Variants in CYSLTR1 observed in about 807,000 individuals in gnomAD.
CYSLTR1 encodes the protein cysteinyl leukotriene receptor 1, also known as G-protein coupled receptor HG55.
In CYSLTR1, 1 loss-of-function variant was observed where a neutral mutation model predicts 2.1. The observed-to-expected ratio is 0.48, with a 90% confidence interval of 0.17 to 2.28. The LOEUF is 2.28. Among genes scored for constraint, CYSLTR1 ranks in the 30% most tolerant of loss-of-function variants. CYSLTR1 has a pLI of 0.26. For missense variants in CYSLTR1, 299 were observed against 250.1 expected (o/e 1.20, Z -1.32); for synonymous variants, 110 against 89.6 (o/e 1.23, Z -1.28).
chrX:78,295,961 AT>A (rs770097183), intron 1 of CYSLTR1, among the ~76,000 whole-genome samples: 20 of 110,116 alleles, frequency 1.8e-4, no homozygotes, highest in African/African-American at 5.9e-4. Flanking sequence ...ATTACTCAAT[AT>A]TTTTTTTGCC....
intron 1 of CYSLTR1, among the ~76,000 whole-genome samples, chrX:78,310,641 GT>G (rs1923183585): frequency 8.9e-6 from 1 of 111,963 alleles, no homozygotes; most frequent in Non-Finnish European, 1.9e-5. Context: ...TGTGATAGAA[GT>G]TGATAAAGGA....
chrX:78,321,147 G>GTA (rs1402219085), intron 1 of CYSLTR1: 1 of 108,068 alleles, frequency 9.3e-6, no homozygotes, highest in Non-Finnish European at 1.9e-5. Context: ...GTGTGTGTGT[G>GTA]TGTGTGTGTG....
At chrX:78,313,296 C>T (rs924397797) in intron 1 of CYSLTR1, among the ~76,000 whole-genome samples, 2 of 111,098 alleles carry the variant, frequency 1.8e-5, no homozygotes, top group Admixed American at 9.6e-5. Flanking sequence ...GAACAATGGA[C>T]ACTGGAGACT....
rs1041596738 is a variant in CYSLTR1 at position 78,271,632 on chromosome X, A to T, written c.*1101T>A. 1 of 112,065 alleles carries T rather than the reference A, an allele frequency of 8.9e-6. No homozygotes were observed. The highest frequency in any genetic ancestry group is 3.7e-4 in the South Asian group (1 of 2,733). The allele number at this position is 112,065 out of a possible 1,213,427, so 9.2% of individuals were successfully genotyped here. ...AGATCAAAGCGTCCACTGTAATATA[A>T]AAGTCACTGTAAACATATCCATGAT... is the stretch of plus-strand genomic sequence containing the variant. On this transcript the variant is annotated 3_prime_UTR_variant, in exon 3 of 3. Transcript: ENST00000373304.
chrX:78,296,018 T>C (rs1209485847), intron 1 of CYSLTR1, among the ~76,000 whole-genome samples: 1 of 111,686 alleles, frequency 9.0e-6, no homozygotes, highest in Non-Finnish European at 1.9e-5. Context: ...CTTGTAGTAG[T>C]TTCAAGCTTG....
chrX:78,293,628 A>G (rs1384014575), intron 1 of CYSLTR1, among the ~76,000 whole-genome samples: 1 of 111,866 alleles, frequency 8.9e-6, no homozygotes, highest in Non-Finnish European at 1.9e-5. Context: ...TCAGACGTAG[A>G]TTTGGCCTTT....
chrX:78,297,992 T>A (rs1007286701), intron 1 of CYSLTR1, among the ~76,000 whole-genome samples: 1 of 111,616 alleles, frequency 9.0e-6, no homozygotes, highest in African/African-American at 3.2e-5. Context: ...TTTCTGTTTT[T>A]TATAATGTAG....
At chrX:78,324,227 A>G (rs1923776030) in intron 1 of CYSLTR1, among the ~76,000 whole-genome samples, 1 of 112,354 alleles carries the variant, frequency 8.9e-6, no homozygotes, top group East Asian at 2.8e-4. Context: ...TGATTGTAAC[A>G]TGAATTAATG....
intron 2 of CYSLTR1, 39 bp from the exon 3 acceptor site, chrX:78,273,812 C>A (rs762940594): frequency 1.9e-6 from 2 of 1,043,842 alleles, no homozygotes; most frequent in African/African-American, 3.8e-5. Context: ...TTAACTAGAC[C>A]ATAAATTACA....
intron 2 of CYSLTR1, among the ~76,000 whole-genome samples, chrX:78,274,460 C>G (rs1921477359): frequency 9.0e-6 from 1 of 111,431 alleles, no homozygotes; most frequent in Admixed American, 9.6e-5. Flanking sequence ...ACAAACCTGA[C>G]AAAAGCAAGA....
rs777053108 is a variant in CYSLTR1, at chrX:78,273,532, C to T, written c.215G>A (p.Cys72Tyr). 8.3e-7 allele frequency: 1 copy of T among 1,209,861 alleles called. No individual in the cohort carries two copies. The highest frequency in any genetic ancestry group is 1.7e-5 in the African/African-American group (1 of 57,174). Residue 72 changes from cysteine (C) to tyrosine (Y), a missense_variant, in exon 3 of 3, where the codon TGT becomes TAT. Coordinates refer to ENST00000373304, the MANE Select transcript of CYSLTR1 (RefSeq NM_006639.4). ...MINLAVADLL[C>Y]VCTLPLRVVY... is the part of the protein sequence containing the mutation. Reference sequence around the variant, plus strand: ...CACACGGAGAGGCAGTGTGCACACACAAAGTAGATCTGCTACTGCTAAATT... The same window carrying T: ...CACACGGAGAGGCAGTGTGCACACATAAAGTAGATCTGCTACTGCTAAATT...
Position 78,295,518 on chromosome X carries a change from T to A in CYSLTR1, c.-114-11978A>T, listed in dbSNP as rs182547727. Among the ~76,000 whole-genome samples, 21 of 111,011 alleles carry A rather than the reference T, an allele frequency of 1.9e-4. 1 individual carries two copies. The East Asian group carries it at 5.4e-3, about 28-fold the overall frequency. ...AATTTACATTCTTATCAACAGTATA[T>A]AAGACATTCCTTTTCTTCACATTCT... On this transcript the variant is annotated intron_variant, in intron 1 of 2. Transcript: ENST00000373304.
chrX:78,295,485 G>A (rs1009014335), intron 1 of CYSLTR1, among the ~76,000 whole-genome samples: 1 of 109,245 alleles, frequency 9.2e-6, no homozygotes, highest in African/African-American at 3.3e-5. Context: ...CTCCATAGTG[G>A]TTGTACTAAT....
chrX:78,277,301 C>T (rs1275210156), intron 2 of CYSLTR1, among the ~76,000 whole-genome samples: 5 of 111,445 alleles, frequency 4.5e-5, no homozygotes. Context: ...CACCTGCTTG[C>T]AGCACAGCCT....
At chrX:78,289,715 G>A (rs1282069657) in intron 1 of CYSLTR1, among the ~76,000 whole-genome samples, 1 of 112,435 alleles carries the variant, frequency 8.9e-6, no homozygotes, top group African/African-American at 3.2e-5. Context: ...GATGGCCAGT[G>A]ATGATGAGCA....
rs191046685 is a variant in CYSLTR1, at chrX:78,322,406, T to A, written c.-115+4899A>T. Among the ~76,000 whole-genome samples the A allele has an allele frequency of 2.5e-3, 285 of 112,465 alleles. 1 individual carries two copies. Among genetic ancestry groups the A allele is most frequent in the African/African-American group, 8.8e-3 (273 of 31,019 alleles). On this transcript the variant is annotated intron_variant, in intron 1 of 2. Transcript: ENST00000373304. ...TTTTTATTATTCTCTTTCTTATTCA[T>A]ATAAGGCTCACCTACTTTGACCACA...
At chrX:78,295,449 G>T (rs889209037) in intron 1 of CYSLTR1, among the ~76,000 whole-genome samples, 46 of 106,912 alleles carry the variant, frequency 4.3e-4, no homozygotes, top group Non-Finnish European at 6.7e-4. Flanking sequence ...TCTATTTTTG[G>T]TTTTTTGAGG....
intron 2 of CYSLTR1, among the ~76,000 whole-genome samples, chrX:78,275,079 A>G (rs1921519450): frequency 9.0e-6 from 1 of 111,574 alleles, no homozygotes; most frequent in Non-Finnish European, 1.9e-5. Flanking sequence ...TCAGGAAACA[A>G]CAGGTGCTGG....
chrX:78,274,481 G>T (rs968314345), intron 2 of CYSLTR1, among the ~76,000 whole-genome samples: 1 of 111,705 alleles, frequency 9.0e-6, no homozygotes, highest in Non-Finnish European at 1.9e-5. Flanking sequence ...AATGGGGAAA[G>T]GATTCCCTAT....
Sources: allele counts gnomAD v4.1 joint callset (sites outside exome capture counted in the v4.1 genomes callset), GRCh38; gene constraint gnomAD v4.1.1; transcripts MANE v1.5; gene names NCBI Gene and HGNC (gene_info 2026-07-23, HGNC 2026-07-21).